Variants in OPCML observed in about 807,000 individuals in gnomAD.
OPCML encodes the protein opioid binding protein/cell adhesion molecule like, also known as opioid-binding protein/cell adhesion molecule.
Under a neutral mutation model 37.8 loss-of-function variants are expected in OPCML, and 13 were observed. The ratio of observed to expected loss-of-function variants is 0.34; its 90% confidence interval spans 0.22 to 0.55. OPCML has a LOEUF of 0.55. Ranked by LOEUF, OPCML falls within the 20% of genes least tolerant of loss-of-function variation. OPCML has a pLI of 0.91. For synonymous variants in OPCML, 176 were observed against 168.8 expected, an observed-to-expected ratio of 1.04 and a Z score of -0.33; for missense variants, 341 against 435.6, an observed-to-expected ratio of 0.78 and a Z score of 1.93.
rs1351560355 is a variant in OPCML, at chr11:132,418,788, T to C, written c.*1405A>G. On this transcript the variant is annotated 3_prime_UTR_variant, in exon 8 of 8. Coordinates refer to ENST00000524381, the MANE Select transcript of OPCML (RefSeq NM_001012393.5). ...ACAGATGTGTTTTTCTCTCAAGTTC[T>C]TGCTGCTAAGGAAAGCCAGCCATAG... 1 of 152,542 alleles carries C rather than the reference T, an allele frequency of 6.6e-6. No individual in the cohort carries two copies. The highest frequency in any genetic ancestry group is 1.9e-4 in the East Asian group (1 of 5,194). The allele number at this position is 152,542 out of a possible 1,614,324, so 9.4% of individuals were successfully genotyped here.
intron 2 of OPCML, among the ~76,000 whole-genome samples, chr11:132,865,786 T>C (rs1462999870): frequency 4.6e-5 from 7 of 152,198 alleles, no homozygotes; most frequent in Admixed American, 4.6e-4. Context: ...GTAGCCAATT[T>C]CAGTGGTTTT....
At chr11:132,620,498 G>A (rs1399737560) in intron 3 of OPCML, among the ~76,000 whole-genome samples, 1 of 152,184 alleles carries the variant, frequency 6.6e-6, no homozygotes, top group East Asian at 1.9e-4. Flanking sequence ...GAAATCACAT[G>A]GCAGAGAGAT....
chr11:132,778,134 C>CAAAG (rs1946869983), intron 2 of OPCML, among the ~76,000 whole-genome samples: 1 of 152,182 alleles, frequency 6.6e-6, no homozygotes, highest in Admixed American at 6.5e-5. Flanking sequence ...AACGAGGGAG[C>CAAAG]AAAGGCATGT....
intron 1 of OPCML, among the ~76,000 whole-genome samples, chr11:133,239,407 G>A (rs1284247627): frequency 6.6e-6 from 1 of 152,226 alleles, no homozygotes; most frequent in South Asian, 2.1e-4. Context: ...AGTTGGCTGA[G>A]ACAGGGGAGT....
At chr11:133,421,527 A>C (rs1350142955) in intron 1 of OPCML, 1 of 985,334 alleles carries the variant, frequency 1.0e-6, no homozygotes, top group African/African-American at 1.7e-5. Flanking sequence ...ATTTGAACAA[A>C]TTGTTGCAAA....
chr11:132,901,667 G>A (rs374794019), intron 2 of OPCML, among the ~76,000 whole-genome samples: 7 of 152,152 alleles, frequency 4.6e-5, no homozygotes, highest in African/African-American at 7.2e-5. Flanking sequence ...GTGCTTCTCC[G>A]AGATGGGCAC....
chr11:133,354,186 A>T (rs1944208738), intron 1 of OPCML, among the ~76,000 whole-genome samples: 1 of 10 alleles, frequency 0.1, no homozygotes, highest in Non-Finnish European at 0.17. Flanking sequence ...TGCTGATGCC[A>T]TTCACCAACC....
chr11:132,759,021 A>G (rs1946165951), intron 2 of OPCML, among the ~76,000 whole-genome samples: 1 of 152,120 alleles, frequency 6.6e-6, no homozygotes, highest in Admixed American at 6.5e-5. Flanking sequence ...AGGGGGTTGA[A>G]TTTTGTCAAA....
intron 1 of OPCML, among the ~76,000 whole-genome samples, chr11:133,102,832 G>C (rs1429052918): frequency 1.3e-5 from 2 of 152,174 alleles, no homozygotes; most frequent in East Asian, 3.8e-4. Context: ...ATTCAAAATT[G>C]TATGTCTGTG....
chr11:133,435,464 G>T (rs998802374), intron 1 of OPCML, among the ~76,000 whole-genome samples: 1 of 152,158 alleles, frequency 6.6e-6, no homozygotes, highest in Non-Finnish European at 1.5e-5. Context: ...ATTTCTCCTG[G>T]GGTGAGTTTA....
intron 2 of OPCML, among the ~76,000 whole-genome samples, chr11:132,742,619 C>T (rs183068720): frequency 8.6e-5 from 13 of 151,860 alleles, no homozygotes; most frequent in African/African-American, 2.4e-4. Flanking sequence ...TTTGGTATAG[C>T]GCTCCATGCC....
intron 3 of OPCML, among the ~76,000 whole-genome samples, chr11:132,620,386 G>A (rs1393622276): frequency 6.6e-6 from 1 of 152,230 alleles, no homozygotes; most frequent in Non-Finnish European, 1.5e-5. Context: ...ATCAAGCCTA[G>A]TTAATATGTT....
intron 1 of OPCML, chr11:133,421,226 A>T: frequency 1.0e-6 from 1 of 985,364 alleles, no homozygotes; most frequent in South Asian, 4.7e-5. Flanking sequence ...AAGAAGCAAG[A>T]TCAAAGCCCA....
intron 2 of OPCML, among the ~76,000 whole-genome samples, chr11:132,931,426 T>C (rs541171019): frequency 4.1e-4 from 63 of 152,264 alleles, no homozygotes; most frequent in Admixed American, 7.8e-4. Flanking sequence ...ATATATCTGA[T>C]AAGGGTCAAT....
chr11:133,180,251 G>C (rs537945446), intron 1 of OPCML, among the ~76,000 whole-genome samples: 3 of 152,140 alleles, frequency 2.0e-5, no homozygotes, highest in Non-Finnish European at 4.4e-5. Context: ...ACCCTCACGT[G>C]TGCGTTCAGA....
At chr11:133,023,074 T>C (rs1357805575) in intron 1 of OPCML, among the ~76,000 whole-genome samples, 1 of 152,210 alleles carries the variant, frequency 6.6e-6, no homozygotes, top group East Asian at 1.9e-4. Context: ...TGTTCTCAGA[T>C]GAGTTAGCTC....
intron 2 of OPCML, among the ~76,000 whole-genome samples, chr11:132,781,483 T>TGCA (rs1425145288): frequency 2.0e-5 from 3 of 152,088 alleles, no homozygotes; most frequent in African/African-American, 7.2e-5. Flanking sequence ...CTTCGGGGTC[T>TGCA]GCAGCTTGCC....
chr11:132,543,481 C>T (rs1039609558), intron 3 of OPCML, among the ~76,000 whole-genome samples: 1 of 151,902 alleles, frequency 6.6e-6, no homozygotes, highest in South Asian at 2.1e-4. Context: ...CCACTGTACT[C>T]CAGCCTGGAG....
At chr11:132,541,598 C>T (rs2096356811) in intron 3 of OPCML, among the ~76,000 whole-genome samples, 1 of 151,482 alleles carries the variant, frequency 6.6e-6, no homozygotes, top group Admixed American at 6.6e-5. Flanking sequence ...GTTTGCCACA[C>T]ATCACTTATT....
Sources: allele counts gnomAD v4.1 joint callset (sites outside exome capture counted in the v4.1 genomes callset), GRCh38; gene constraint gnomAD v4.1.1; transcripts MANE v1.5; gene names NCBI Gene and HGNC (gene_info 2026-07-23, HGNC 2026-07-21).